The following ULK1 variants were observed in gnomAD, a reference collection of about 807,000 sequenced individuals.
ULK1 encodes serine/threonine-protein kinase ULK1.
In ULK1, 48 loss-of-function variants were observed where a neutral mutation model predicts 117.5. The ratio of observed to expected loss-of-function variants is 0.41; its 90% CI spans 0.32 to 0.52. The LOEUF (loss-of-function observed/expected upper bound fraction) is 0.52. Among genes scored for constraint, ULK1 ranks in the 20% least tolerant of loss-of-function variants. The pLI, the probability that ULK1 is intolerant of heterozygous loss-of-function variation, is 0.29. For synonymous variants in ULK1, 790 were observed against 637.8 expected (o/e 1.24, Z -3.60); for missense variants, 1,387 against 1,473.4 (o/e 0.94, Z 0.96).
Position 131,921,220 on chromosome 12 carries a change from G to C in ULK1, c.3082G>C (p.Glu1028Gln). 1 of 1,607,446 alleles carries C rather than the reference G, an allele frequency of 6.2e-7. No homozygotes were observed. The highest frequency in any genetic ancestry group is 1.3e-5 in the African/African-American group (1 of 75,058). The part of the protein sequence containing the change: ...QHMLSDQADI[E>Q]NVTKCKLCIE... ...CATGCTCTCGGACCAGGCCGACATC[G>C]AGAACGTCACCAAGTGTGAGTGCCC... is the stretch of plus-strand genomic sequence containing the variant. The change falls in exon 27 of 28, where the codon GAG becomes CAG. Residue 1028 changes from glutamate (E) to glutamine (Q), a missense_variant. Transcript: ENST00000321867.
At chr12:131,900,321 T>C (rs1889036977) in intron 3 of ULK1, among the ~76,000 whole-genome samples, 1 of 152,206 alleles carries the variant, frequency 6.6e-6, no homozygotes, top group South Asian at 2.1e-4. Context: ...GAGGTTGTTA[T>C]TTTTGTTCTT....
In ULK1 at chr12:131,917,502, TC is replaced by T; in HGVS notation, c.2279del (p.Pro760ArgfsTer64). The T allele has an allele frequency of 2.0e-6, 3 of 1,476,686 alleles. No individual in the cohort carries two copies. Among genetic ancestry groups the T allele is most frequent in the Non-Finnish European group, 1.8e-6 (2 of 1,111,720 alleles). The allele number at this position is 1,476,686 out of a possible 1,614,324, so 91.5% of individuals were successfully genotyped here. A position where few individuals can be genotyped will look rare whatever the true frequency, so the allele number is the denominator to read the frequency against. On this transcript the variant is annotated frameshift_variant, in exon 22 of 28. Coordinates refer to ENST00000321867, the MANE Select transcript of ULK1 (RefSeq NM_003565.4). LOFTEE classifies it high-confidence loss of function. The part of the protein sequence containing the change: ...PSPVVFTVGS[P>X]PSGSTPPQGP... ...CCCCGGTGGTCTTCACCGTGGGCTC[TC>T]CCCCGAGCGGGAGCACGCCCCCCCA...
intron 19 of ULK1, 46 bp downstream of exon 19, chr12:131,916,205 G>A (rs760796180): frequency 1.9e-6 from 3 of 1,587,986 alleles, no homozygotes; most frequent in Non-Finnish European, 2.6e-6. Flanking sequence ...CCCTGGGGAA[G>A]ATGTGTGGGA....
chr12:131,902,162 C>T lies in ULK1; in HGVS notation c.247-4730C>T, dbSNP rs1190756711. On this transcript the variant is annotated intron_variant, in intron 3 of 27. Coordinates refer to ENST00000321867, the MANE Select transcript of ULK1 (RefSeq NM_003565.4). This position sits in a 1 kb window ranked among gnomAD's most constrained non-coding sequence, Gnocchi z 6.3. Reference sequence around the variant, plus strand: ...TGGCCCTTCCTTCTTAGGGTGGAGCCGGCATCCCTTCCCTTTTGGGAGCTG... The same window carrying T: ...TGGCCCTTCCTTCTTAGGGTGGAGCTGGCATCCCTTCCCTTTTGGGAGCTG... Among the ~76,000 whole-genome samples the T allele has an allele frequency of 3.9e-5, 6 of 152,232 alleles. No individual in the cohort carries two copies. The highest frequency in any genetic ancestry group is 2.6e-4 in the Admixed American group (4 of 15,298).
At chr12:131,897,690 C>G (rs1242835683) in intron 3 of ULK1, 1 of 151,710 alleles carries the variant, frequency 6.6e-6, no homozygotes, top group East Asian at 1.9e-4. Context: ...CTGTGGGAGG[C>G]CAAGACAGAC....
At chr12:131,920,981 A>G in intron 26 of ULK1, 119 bp from the exon 27 acceptor site, 1 of 1,378,636 alleles carries the variant, frequency 7.3e-7, no homozygotes, top group Non-Finnish European at 9.6e-7. Flanking sequence ...TTATGTCTCC[A>G]CGTCACTGCC....
At chr12:131,916,724 C>A in intron 20 of ULK1, 133 bp downstream of exon 20, 2 of 1,256,246 alleles carry the variant, frequency 1.6e-6, no homozygotes, top group Non-Finnish European at 2.1e-6. Context: ...CCCAGTGTGG[C>A]TGGGTGCCAG....
In ULK1 at chr12:131,919,840, C is replaced by T; in HGVS notation, c.2804-139C>T. On this transcript the variant is annotated intron_variant, in intron 25 of 27. Coordinates refer to ENST00000321867, the MANE Select transcript of ULK1 (RefSeq NM_003565.4). ...CGGGACAAGGTGCGGAGCCTGGCCA[C>T]ACCCTCAAGGCCACGGGGAGCCAGG... The T allele has an allele frequency of 1.4e-5, 19 of 1,326,298 alleles. 1 individual carries two copies. The highest frequency in any genetic ancestry group is 2.7e-4 in the Middle Eastern group (1 of 3,738). The allele number at this position is 1,326,298 out of a possible 1,614,324, so 82.2% of individuals were successfully genotyped here.
rs149105632 is a variant in ULK1, at chr12:131,909,964, C to T, written c.771C>T (p.Ala257=). The T allele has an allele frequency of 1.7e-4, 273 of 1,612,122 alleles. 1 individual carries two copies. The African/African-American group carries it at 3.1e-3, about 18-fold the overall frequency. ...CCCCGCTGCGGCAGCTGCTCCTGGC[C>T]CTACTGCAACGCAACCACAAGGACC... The part of the protein sequence containing the change: ...TSAPLRQLLL[A]LLQRNHKDRM... The change falls in exon 10 of 28, where the codon GCC becomes GCT. Residue 257 remains alanine, a synonymous_variant. Coordinates refer to ENST00000321867, the MANE Select transcript of ULK1 (RefSeq NM_003565.4).
At chr12:131,895,173 C>A in intron 1 of ULK1, 61 bp downstream of exon 1, 2 of 1,233,772 alleles carry the variant, frequency 1.6e-6, no homozygotes, top group Non-Finnish European at 2.2e-6. Flanking sequence ...GCATCCCCGC[C>A]CCGAGATTCC....
chr12:131,907,273 G>A (rs1889312962), intron 4 of ULK1, among the ~76,000 whole-genome samples: 1 of 152,214 alleles, frequency 6.6e-6, no homozygotes, highest in African/African-American at 2.4e-5. Flanking sequence ...TGCCCACCTT[G>A]GCCTCCCAAA....
At chr12:131,918,331 G>C (rs980677181) in intron 22 of ULK1, 166 bp from the exon 23 acceptor site, 16 of 826,866 alleles carry the variant, frequency 1.9e-5, no homozygotes, top group Non-Finnish European at 2.8e-5. Context: ...TTGAGGAGTG[G>C]CTCTAGGGGC....
chr12:131,908,430 G>C (rs1449321310), intron 5 of ULK1, among the ~76,000 whole-genome samples: 1 of 152,070 alleles, frequency 6.6e-6, no homozygotes, highest in Non-Finnish European at 1.5e-5. Flanking sequence ...CTGAGTGGTG[G>C]GGCCGGCGCG....
intron 20 of ULK1, 70 bp downstream of exon 20, chr12:131,916,661 G>A (rs1288449280): frequency 4.2e-6 from 6 of 1,425,994 alleles, no homozygotes; most frequent in Non-Finnish European, 5.5e-6. Flanking sequence ...TGTTCTGCTG[G>A]GTACTTCTGG....
At chr12:131,897,336 C>T (rs1239195693) in intron 3 of ULK1, 1 of 152,238 alleles carries the variant, frequency 6.6e-6, no homozygotes, top group Non-Finnish European at 1.5e-5. Context: ...AGAAAATCCT[C>T]AAACATTACG....
In ULK1 at chr12:131,908,557, C is replaced by A. The variant is rs954880538; in HGVS notation, c.317-87C>A. ...GCGGCCCTGCCTGGCGCTCTCCATC[C>A]GTGTGGCGGGACCGGCCTGGCTGCG... On this transcript the variant is annotated intron_variant, in intron 5 of 27. Transcript: ENST00000321867. 4.3e-6 allele frequency: 6 copies of A among 1,389,824 alleles called. No individual in the cohort carries two copies. In the East Asian group the frequency reaches 1.4e-4, roughly 31 times the overall value. 86.1% of individuals were successfully genotyped at this position (1,389,824 alleles called of 1,614,324 possible).
chr12:131,914,455 C>T lies in ULK1; in HGVS notation c.1351C>T (p.Pro451Ser). The change falls in exon 16 of 28, where the codon CCC (proline) becomes TCC (serine). Residue 451 changes from proline (P) to serine (S), a missense_variant. Around this residue, in one of 4 missense-constraint regions of ULK1, gnomAD observed 900 missense variants for 858.9 expected, o/e 1.05. Transcript: ENST00000321867. ...GCGCATTGAGCGAAACCTGCAGTCA[C>T]CCACCCAGTTCCAAACACCTCGGTG... ...YQRIERNLQSPTQFQTPRSSA... is the reference protein window; with the variant it reads ...YQRIERNLQSSTQFQTPRSSA... 2 of 1,612,702 alleles carry T rather than the reference C, an allele frequency of 1.2e-6. No individual in the cohort carries two copies. The highest frequency in any genetic ancestry group is 1.7e-6 in the Non-Finnish European group (2 of 1,179,904).
chr12:131,915,346 C>T lies in ULK1; in HGVS notation c.1534C>T (p.Pro512Ser), dbSNP rs1488815016. The change falls in exon 18 of 28, where the codon CCT (proline) becomes TCT (serine). Residue 512 changes from proline to serine, a missense_variant. By Grantham distance (74) the Pro-to-Ser change is moderately conservative. Coordinates refer to ENST00000321867, the MANE Select transcript of ULK1 (RefSeq NM_003565.4). Reference sequence around the variant, plus strand: ...CTCTTTTCCCCAAGTTGGAACCATCCCTGAGCGGCCAGGCTGGAGCGGGAC... The same window carrying T: ...CTCTTTTCCCCAAGTTGGAACCATCTCTGAGCGGCCAGGCTGGAGCGGGAC... ...YTPSPQVGTI[P>S]ERPGWSGTPS... 6.2e-7 allele frequency: 1 copy of T among 1,612,782 alleles called. No individual in the cohort carries two copies. The highest frequency in any genetic ancestry group is 1.7e-4 in the Middle Eastern group (1 of 6,060).
Position 131,919,343 on chromosome 12 carries a change from T to A in ULK1, c.2643T>A (p.Ser881Arg), listed in dbSNP as rs1290726977. 4.3e-6 allele frequency: 6 copies of A among 1,411,420 alleles called. No individual in the cohort carries two copies. The highest frequency in any genetic ancestry group is 2.3e-4 in the Middle Eastern group (1 of 4,416). The allele number at this position is 1,411,420 out of a possible 1,614,324, so 87.4% of individuals were successfully genotyped here. A position where few individuals can be genotyped will look rare whatever the true frequency, so the allele number is the denominator to read the frequency against. Residue 881 changes from serine to arginine, a missense_variant, in exon 24 of 28, where the codon AGT becomes AGA. Ser to Arg is a moderately radical substitution (Grantham distance 110). Coordinates refer to ENST00000321867, the MANE Select transcript of ULK1 (RefSeq NM_003565.4). ...AGGPEYQLQE[S>R]VVADQISLLS... ...GCCCTGAGTACCAGCTGCAGGAGAG[T>A]GTGGTGGCCGACCAGATCAGCCTGC...
Sources: allele counts gnomAD v4.1 joint callset (sites outside exome capture counted in the v4.1 genomes callset), GRCh38; gene constraint gnomAD v4.1.1; regional missense constraint gnomAD v4.1.1; non-coding constraint Gnocchi (gnomAD v3.1); transcripts MANE v1.5; gene names NCBI Gene and HGNC (gene_info 2026-07-23, HGNC 2026-07-21).